Variants in MYO1F observed in about 807,000 individuals in gnomAD.
MYO1F encodes unconventional myosin-If.
Under a neutral mutation model 146.6 loss-of-function variants are expected in MYO1F, and 60 were observed. The observed-to-expected ratio is 0.41, with a 90% CI of 0.33 to 0.51. MYO1F has a LOEUF of 0.51. MYO1F is among the 20% of genes least tolerant of loss of function. The pLI is 0.25. For synonymous variants in MYO1F, 602 were observed against 602.1 expected (o/e 1.00, Z 0.00); for missense variants, 1,274 against 1,534.3 (o/e 0.83, Z 2.83).
At chr19:8,561,392 T>TCCCC (rs1974104153) in intron 1 of MYO1F, among the ~76,000 whole-genome samples, 1 of 104,054 alleles carries the variant, frequency 9.6e-6, no homozygotes, top group African/African-American at 3.6e-5. Flanking sequence ...CCCCCTTCTT[T>TCCCC]CCTTCCTTCC....
chr19:8,576,218 C>T (rs1324082637), intron 1 of MYO1F, among the ~76,000 whole-genome samples: 4 of 152,174 alleles, frequency 2.6e-5, no homozygotes, highest in African/African-American at 7.2e-5. Context: ...AGGCTGGTCT[C>T]GAACACCTGA....
chr19:8,536,252 C>A lies in MYO1F; in HGVS notation c.2043G>T (p.Ser681=). 1 of 1,604,426 alleles carries A rather than the reference C, an allele frequency of 6.2e-7. No individual in the cohort carries two copies. The highest frequency in any genetic ancestry group is 2.2e-5 in the East Asian group (1 of 44,850). ...STKVFVKNPE[S]LFLLEEVRER... is the part of the protein sequence containing the mutation. The stretch of plus-strand genomic sequence containing the variant: ...CTGCCTGTCCCTCAAACACACTCAC[C>A]GACTCTGGGTTCTTGACAAAGACCT... Residue 681 remains serine, a splice_region_variant and synonymous_variant, in exon 19 of 28, where the codon TCG becomes TCT. Transcript: ENST00000644032.
rs372375870 is a variant in MYO1F at position 8,554,576 on chromosome 19, C to A, written c.232-5G>T. ...CGGGGGATTCTCATACTGGGCCTGG[C>A]AGGGGAGGTCAGGTCTCAGCCCAGG... On this transcript the variant is annotated splice_region_variant and splice_polypyrimidine_tract_variant and intron_variant, in intron 3 of 27. Coordinates refer to ENST00000644032, the MANE Select transcript of MYO1F (RefSeq NM_012335.4). 7 of 1,612,102 alleles carry A rather than the reference C, an allele frequency of 4.3e-6. No individual in the cohort carries two copies. The highest frequency in any genetic ancestry group is 4.5e-5 in the East Asian group (2 of 44,844).
chr19:8,544,577 A>C, intron 13 of MYO1F, 113 bp from the exon 14 acceptor site: 1 of 676,228 alleles, frequency 1.5e-6, no homozygotes, highest in Non-Finnish European at 2.2e-6. Context: ...AGGGAGCTAG[A>C]GCTTTGGGGG....
rs565386915 is a variant in MYO1F, at chr19:8,545,019, C to T, written c.1357-555G>A. Among the ~76,000 whole-genome samples, 9 of 152,192 alleles carry T rather than the reference C, an allele frequency of 5.9e-5. No homozygotes were observed. In the East Asian group the frequency reaches 1.7e-3, roughly 29 times the overall value. On this transcript the variant is annotated intron_variant, in intron 13 of 27. Transcript: ENST00000644032. The stretch of plus-strand genomic sequence containing the variant: ...TTTCGAACTCTTGGCCTCAGGTGAT[C>T]CACCTGCCTTGGCCTCCCAAAGTGC...
At chr19:8,570,349 C>T (rs1011476388) in intron 1 of MYO1F, among the ~76,000 whole-genome samples, 6 of 151,616 alleles carry the variant, frequency 4.0e-5, no homozygotes, top group African/African-American at 7.3e-5. Flanking sequence ...GGATTATAGG[C>T]GTGAGCCACT....
chr19:8,572,771 C>T lies in MYO1F; in HGVS notation c.3+4536G>A, dbSNP rs143314025. On this transcript the variant is annotated intron_variant, in intron 1 of 27. Coordinates refer to ENST00000644032, the MANE Select transcript of MYO1F (RefSeq NM_012335.4). ...AGTGCAGTGGGGCCATCACAGCTCA[C>T]TGCAGCCTGGAACTCCTGGGCTCAA... Among the ~76,000 whole-genome samples, 670 of 152,274 alleles carry T rather than the reference C, an allele frequency of 4.4e-3. 7 individuals are homozygous for T. The highest frequency in any genetic ancestry group is 0.015 in the African/African-American group (630 of 41,564).
chr19:8,536,366 C>G lies in MYO1F; in HGVS notation c.1929G>C (p.Pro643=), dbSNP rs200744759. Residue 643 remains proline, a synonymous_variant, in exon 19 of 28, where the codon CCG becomes CCC. Transcript: ENST00000644032. ...CCTGGCGTTCGTCCCCACGCCACCG[C>G]GGCCACGTCTCGGGGGTCAGAATGG... The part of the protein sequence containing the change: ...RYAILTPETW[P]RWRGDERQGV... The G allele has an allele frequency of 1.1e-5, 17 of 1,605,828 alleles. No individual in the cohort carries two copies. Among genetic ancestry groups the G allele is most frequent in the Non-Finnish European group, 1.4e-5 (17 of 1,179,680 alleles).
intron 16 of MYO1F, among the ~76,000 whole-genome samples, chr19:8,538,131 T>A (rs961432044): frequency 1.5e-4 from 21 of 143,956 alleles, no homozygotes; most frequent in African/African-American, 4.3e-4. Context: ...CCTTTTTTTT[T>A]ATATATATAT....
At chr19:8,573,171 C>A (rs1210192110) in intron 1 of MYO1F, among the ~76,000 whole-genome samples, 1 of 152,006 alleles carries the variant, frequency 6.6e-6, no homozygotes, top group Admixed American at 6.6e-5. Context: ...ATTAGCCAGG[C>A]ATGGTGGCGG....
intron 24 of MYO1F, 126 bp downstream of exon 24, chr19:8,526,327 A>G (rs1272077433): frequency 1.3e-5 from 19 of 1,436,278 alleles, no homozygotes; most frequent in Non-Finnish European, 1.8e-5. Flanking sequence ...ACTCCGTCTT[A>G]AAAAAACCAC....
intron 1 of MYO1F, among the ~76,000 whole-genome samples, chr19:8,569,114 A>G (rs746252838): frequency 6.6e-6 from 1 of 152,138 alleles, no homozygotes; most frequent in Non-Finnish European, 1.5e-5. Flanking sequence ...GAATGAATGA[A>G]TGAATGAAGT....
intron 1 of MYO1F, among the ~76,000 whole-genome samples, chr19:8,558,145 T>C (rs1171442170): frequency 6.6e-6 from 1 of 151,894 alleles, no homozygotes. Context: ...TTTCATTTCC[T>C]CTCTCAGTTT....
At chr19:8,568,319 A>G (rs1014368954) in intron 1 of MYO1F, among the ~76,000 whole-genome samples, 8 of 144,160 alleles carry the variant, frequency 5.5e-5, no homozygotes, top group Non-Finnish European at 9.0e-5. Flanking sequence ...GCTCCTCGGG[A>G]GGCTGAGGCA....
rs57614495 is a variant in MYO1F, at chr19:8,536,167, G to GTCTC, written c.2043+81_2043+84dup. 7,295 of 1,367,468 alleles carry GTCTC rather than the reference G, an allele frequency of 5.3e-3. 178 individuals carry two copies. The African/African-American group carries it at 0.093, about 17-fold the overall frequency. 84.7% of individuals were successfully genotyped at this position (1,367,468 alleles called of 1,614,324 possible). On this transcript the variant is annotated intron_variant, in intron 19 of 27. Coordinates refer to ENST00000644032, the MANE Select transcript of MYO1F (RefSeq NM_012335.4). ...TTTCTCTCAATCTCTGTCTCCCTCT[G>GTCTC]TCTCTCTCTCTCTCTCTCAGTCCCT...
At chr19:8,544,589 G>C in intron 13 of MYO1F, 125 bp from the exon 14 acceptor site, 1 of 935,606 alleles carries the variant, frequency 1.1e-6, no homozygotes, top group Admixed American at 2.3e-5. Context: ...CTTTGGGGGT[G>C]GGGAGGGCAC....
chr19:8,557,111 C>T (rs930664301), intron 1 of MYO1F, among the ~76,000 whole-genome samples: 5 of 151,860 alleles, frequency 3.3e-5, no homozygotes, highest in Non-Finnish European at 7.4e-5. Context: ...CATAGTGAGA[C>T]CCCCATCTCT....
rs552017240 is a variant in MYO1F at position 8,568,906 on chromosome 19, G to A, written c.3+8401C>T. ...ATTGCACTCCAGCCTGGGCAACAGA[G>A]CGAGACTCCATCTCAACAACAACAA... On this transcript the variant is annotated intron_variant, in intron 1 of 27. Transcript: ENST00000644032. Among the ~76,000 whole-genome samples, 43 of 152,232 alleles carry A rather than the reference G, an allele frequency of 2.8e-4. 1 individual carries two copies. The highest frequency in any genetic ancestry group is 2.3e-3 in the South Asian group (11 of 4,826).
rs1207653726 is a variant in MYO1F at position 8,544,458 on chromosome 19, G to C, written c.1363C>G (p.Pro455Ala). 4 of 1,609,758 alleles carry C rather than the reference G, an allele frequency of 2.5e-6. No individual in the cohort carries two copies. The highest frequency in any genetic ancestry group is 4.5e-5 in the East Asian group (2 of 44,842). ...TCGTCCAAGACGCTCATGATGCCTG[G>C]GGGGCTCTGCGGGGCGAGCGGGAGC... ...CDLIENKLSP[P>A]GIMSVLDDVC... is the part of the protein sequence containing the mutation. Residue 455 changes from proline (P) to alanine (A), a missense_variant, in exon 14 of 28, where the codon CCA becomes GCA. Pro to Ala is a conservative substitution (Grantham distance 27). This residue lies in a region of MYO1F where 900 missense variants were observed against 1,155.1 expected (regional missense o/e 0.78). Coordinates refer to ENST00000644032, the MANE Select transcript of MYO1F (RefSeq NM_012335.4).
Sources: allele counts gnomAD v4.1 joint callset (sites outside exome capture counted in the v4.1 genomes callset), GRCh38; gene constraint gnomAD v4.1.1; regional missense constraint gnomAD v4.1.1; transcripts MANE v1.5; gene names NCBI Gene and HGNC (gene_info 2026-07-23, HGNC 2026-07-21).